The following TMEM209 variants were observed in gnomAD, a reference collection of about 807,000 sequenced individuals.
TMEM209 encodes the protein testicular tissue protein Li 202.
In TMEM209, 65 loss-of-function variants were observed where a neutral mutation model predicts 76.2. That is an observed-to-expected ratio of 0.85 (90% CI 0.70 to 1.05). The LOEUF is 1.05. Ranked by LOEUF, TMEM209 falls within the 50% of genes least tolerant of loss-of-function variation. TMEM209 has a pLI of 0.00. For missense variants in TMEM209, 623 were observed against 685.5 expected, an observed-to-expected ratio of 0.91 and a Z score of 1.02; for synonymous variants, 239 against 237.6, an observed-to-expected ratio of 1.01 and a Z score of -0.06.
chr7:130,177,059 AATG>A (rs1797260294), intron 10 of TMEM209, among the ~76,000 whole-genome samples: 1 of 151,448 alleles, frequency 6.6e-6, no homozygotes, highest in Non-Finnish European at 1.5e-5. Flanking sequence ...TTATATTAAG[AATG>A]ATAATTGTGG....
chr7:130,193,717 G>A (rs1797876246), intron 5 of TMEM209, among the ~76,000 whole-genome samples: 1 of 151,852 alleles, frequency 6.6e-6, no homozygotes, highest in Admixed American at 6.6e-5. Context: ...TGGTTAACAG[G>A]AATTTGGAGG....
chr7:130,178,520 A>G lies in TMEM209; in HGVS notation c.1128T>C (p.Ser376=), dbSNP rs1486370068. ...GCPELQIGEA[S]ITSLKQAALV... ...GGGCAGCTTGTTTCAAGCTAGTAAT[A>G]CTAGCCTCTGTTAACATAAAACACA... Residue 376 remains serine (S), a synonymous_variant, in exon 10 of 15, where the codon AGT becomes AGC. Coordinates refer to ENST00000397622, the MANE Select transcript of TMEM209 (RefSeq NM_032842.4). The G allele has an allele frequency of 3.1e-6, 5 of 1,613,308 alleles. No individual in the cohort carries two copies. The highest frequency in any genetic ancestry group is 2.7e-5 in the African/African-American group (2 of 75,036).
intron 9 of TMEM209, among the ~76,000 whole-genome samples, chr7:130,179,009 A>C (rs1419182497): frequency 1.3e-5 from 2 of 152,132 alleles, no homozygotes; most frequent in African/African-American, 4.8e-5. Context: ...GCTGGTCTCA[A>C]ACTCCTGGGT....
At chr7:130,199,403 G>A (rs929540628) in intron 5 of TMEM209, among the ~76,000 whole-genome samples, 5 of 152,080 alleles carry the variant, frequency 3.3e-5, no homozygotes, top group African/African-American at 1.2e-4. Flanking sequence ...ATTTTGTTTA[G>A]TAGAGACAGG....
chr7:130,190,994 A>G (rs964059459), intron 6 of TMEM209, among the ~76,000 whole-genome samples: 3 of 152,034 alleles, frequency 2.0e-5, no homozygotes, highest in African/African-American at 7.2e-5. Context: ...AAAAAAAAAA[A>G]GTTTGATGGG....
At chr7:130,169,961 G>A (rs1267149613) in intron 14 of TMEM209, among the ~76,000 whole-genome samples, 1 of 152,170 alleles carries the variant, frequency 6.6e-6, no homozygotes, top group African/African-American at 2.4e-5. Flanking sequence ...GTATGTAAAC[G>A]ATTTCAACTG....
chr7:130,192,029 C>T (rs1400613298), intron 6 of TMEM209, among the ~76,000 whole-genome samples: 4 of 152,138 alleles, frequency 2.6e-5, no homozygotes, highest in African/African-American at 9.7e-5. Context: ...AATATGCTTT[C>T]GTGAAAGTTC....
At position 130,184,261 on chromosome 7, in the gene TMEM209, A is replaced by G; in HGVS notation, c.952-6T>C. ...ATAGCCACTCTTGCCCAGACCTATA[A>G]AAATTCATGTTTAAAATGAACAATC... On this transcript the variant is annotated splice_region_variant and splice_polypyrimidine_tract_variant and intron_variant, in intron 7 of 14. Coordinates refer to ENST00000397622, the MANE Select transcript of TMEM209 (RefSeq NM_032842.4). The G allele has an allele frequency of 6.3e-7, 1 of 1,591,220 alleles. No individual in the cohort carries two copies. Among genetic ancestry groups the G allele is most frequent in the South Asian group, 1.2e-5 (1 of 86,574 alleles).
At chr7:130,204,571 ACCTTGTGATCCACCCGCCTCGGCCT>A (rs1180908259) in intron 1 of TMEM209, among the ~76,000 whole-genome samples, 2 of 152,146 alleles carry the variant, frequency 1.3e-5, no homozygotes, top group African/African-American at 4.8e-5. Context: ...CGAACTCCTG[ACCTTGTGATCCACCCGCCTCGGCCT>A]CCCAAAGTGT....
chr7:130,175,513 G>A lies in TMEM209; in HGVS notation c.1343C>T (p.Ala448Val), dbSNP rs1478656594. ...KWDTDLPTDS[A>V]IIMHVFCTYL... is the part of the protein sequence containing the mutation. ...GAATGAAAGAATCTAGGGGCTTACAGCAGAATCGGTGGGCAGGTCTGTATC... is the reference window on the plus strand; with the variant it reads ...GAATGAAAGAATCTAGGGGCTTACAACAGAATCGGTGGGCAGGTCTGTATC... Residue 448 changes from alanine (A) to valine (V), a missense_variant and splice_region_variant, in exon 11 of 15, where the codon GCT becomes GTT. Ala to Val is a moderately conservative substitution (Grantham distance 64). Transcript: ENST00000397622. 6.2e-7 allele frequency: 1 copy of A among 1,611,206 alleles called. No homozygotes were observed. The highest frequency in any genetic ancestry group is 1.1e-5 in the South Asian group (1 of 90,280).
intron 7 of TMEM209, among the ~76,000 whole-genome samples, chr7:130,184,602 C>T (rs1438028375): frequency 6.6e-6 from 1 of 151,874 alleles, no homozygotes. Context: ...AAGCAATCCT[C>T]CCGCCTCAGC....
chr7:130,175,320 G>A lies in TMEM209; in HGVS notation c.1344+192C>T, dbSNP rs1797197472. ...CTACAAAAAATTAAAAAAATTAGCTGGGTGTGGTGGTTCAGGCCTAGTCCC... is the reference window on the plus strand; with the variant it reads ...CTACAAAAAATTAAAAAAATTAGCTAGGTGTGGTGGTTCAGGCCTAGTCCC... On this transcript the variant is annotated intron_variant, in intron 11 of 14. Transcript: ENST00000397622. 1.7e-5 allele frequency: 8 copies of A among 477,396 alleles called. No individual in the cohort carries two copies. In the East Asian group the frequency reaches 2.7e-4, roughly 16 times the overall value. The allele number at this position is 477,396 out of a possible 1,614,324, so 29.6% of individuals were successfully genotyped here. A position where few individuals can be genotyped will look rare whatever the true frequency, so the allele number is the denominator to read the frequency against.
rs982542495 is a variant in TMEM209, at chr7:130,181,664, G to A, written c.1079C>T (p.Thr360Ile). The A allele has an allele frequency of 6.2e-7, 1 of 1,612,464 alleles. No individual in the cohort carries two copies. The highest frequency in any genetic ancestry group is 1.3e-5 in the African/African-American group (1 of 74,904). ...PLVQEIESVS[T>I]QMRRMGCPEL... ...TGGACAACCCATTCGTCTCATCTGTGTGCTGACAGACTCAATCTCTTGAAC... is the reference window on the plus strand; with the variant it reads ...TGGACAACCCATTCGTCTCATCTGTATGCTGACAGACTCAATCTCTTGAAC... Residue 360 changes from threonine (T) to isoleucine (I), a missense_variant, in exon 9 of 15, where the codon ACA becomes ATA. Thr to Ile is a moderately conservative substitution (Grantham distance 89, BLOSUM62 -1). Transcript: ENST00000397622.
At chr7:130,168,253 T>G (rs1467365302) in intron 14 of TMEM209, among the ~76,000 whole-genome samples, 2 of 152,212 alleles carry the variant, frequency 1.3e-5, no homozygotes, top group African/African-American at 2.4e-5. Context: ...ATTATACAGG[T>G]TAAGCACCTA....
intron 8 of TMEM209, among the ~76,000 whole-genome samples, chr7:130,182,849 C>T (rs1266878764): frequency 1.3e-5 from 2 of 152,178 alleles, no homozygotes. Flanking sequence ...TTTTGATATA[C>T]TGGCAAGACT....
At chr7:130,203,943 A>G (rs754657139) in intron 2 of TMEM209, 31 bp downstream of exon 2, 1 of 1,607,600 alleles carries the variant, frequency 6.2e-7, no homozygotes, top group South Asian at 1.1e-5. Flanking sequence ...GGCTTCTTAA[A>G]GTTTCACTTT....
At chr7:130,181,878 G>C in intron 8 of TMEM209, 159 bp from the exon 9 acceptor site, 1 of 564,642 alleles carries the variant, frequency 1.8e-6, no homozygotes, top group East Asian at 3.0e-5. Flanking sequence ...GAAAGTAATA[G>C]CTACCCGAAA....
intron 10 of TMEM209, 44 bp downstream of exon 10, chr7:130,178,358 T>G: frequency 6.6e-7 from 1 of 1,524,790 alleles, no homozygotes; most frequent in Non-Finnish European, 8.8e-7. Flanking sequence ...AATTCCAGCA[T>G]AGTAAAAAAG....
At chr7:130,184,677 G>A (rs565478493) in intron 7 of TMEM209, among the ~76,000 whole-genome samples, 197 of 152,152 alleles carry the variant, frequency 1.3e-3, no homozygotes, top group Non-Finnish European at 2.3e-3. Flanking sequence ...AACTTTAGTA[G>A]AGACAGGGTT....
Sources: gnomAD v4.1 joint callset for allele counts (sites outside exome capture counted in the v4.1 genomes callset) on GRCh38, gnomAD v4.1.1 for gene constraint, MANE v1.5 for transcripts, NCBI Gene and HGNC (gene_info 2026-07-23, HGNC 2026-07-21) for gene names.